DCTN4: variants seen among roughly 807,000 people sequenced by gnomAD.
The protein encoded by DCTN4 is dynactin subunit 4, also known as dynactin 4 (p62).
DCTN4 carries 23 observed loss-of-function variants against 62.7 expected under a neutral mutation model. The observed-to-expected ratio is 0.37, with a 90% CI of 0.26 to 0.52. DCTN4 has a LOEUF of 0.52. Among genes scored for constraint, DCTN4 ranks in the 20% least tolerant of loss-of-function variants. The probability of loss-of-function intolerance (pLI) is 0.92; values close to 1 mark genes in which losing one functional copy is unlikely to be tolerated. For synonymous variants in DCTN4, 199 were observed against 202.1 expected (o/e 0.98, Z 0.13); for missense variants, 514 against 580.4 (o/e 0.89, Z 1.18).
chr5:150,749,508 G>A (rs1164344290), intron 3 of DCTN4, among the ~76,000 whole-genome samples: 1 of 152,122 alleles, frequency 6.6e-6, no homozygotes, highest in Non-Finnish European at 1.5e-5. Context: ...AAATTGTTCA[G>A]TCACTTTGGA....
intron 3 of DCTN4, among the ~76,000 whole-genome samples, chr5:150,743,363 C>T (rs922820826): frequency 1.3e-5 from 2 of 152,206 alleles, no homozygotes; most frequent in African/African-American, 4.8e-5. Flanking sequence ...CTCCACCTCT[C>T]GGGGCAGGGC....
At chr5:150,756,390 G>GAA in intron 2 of DCTN4, 27 bp downstream of exon 2, 10 of 1,407,372 alleles carry the variant, frequency 7.1e-6, no homozygotes, top group Admixed American at 2.3e-5. Context: ...AAAATAGGAA[G>GAA]AAAAAAAAAA....
Position 150,733,367 on chromosome 5 carries a change from C to T in DCTN4, c.537+1G>A. 6.2e-7 allele frequency: 1 copy of T among 1,608,398 alleles called. No individual in the cohort carries two copies. The highest frequency in any genetic ancestry group is 8.5e-7 in the Non-Finnish European group (1 of 1,177,014). On this transcript the variant is annotated splice_donor_variant, in intron 5 of 12. Transcript: ENST00000447998. LOFTEE classifies it high-confidence loss of function. Reference sequence around the variant, plus strand: ...AAATCATTTTAGTACCAAATTCTCACCGAAAAAGCCAGAGGCATATAGTTT... The same window carrying T: ...AAATCATTTTAGTACCAAATTCTCATCGAAAAAGCCAGAGGCATATAGTTT...
chr5:150,741,776 C>A (rs186983993), intron 4 of DCTN4, among the ~76,000 whole-genome samples: 12 of 152,366 alleles, frequency 7.9e-5, no homozygotes, highest in African/African-American at 2.6e-4. Context: ...GCCACCACAC[C>A]TGGCTGTTTA....
intron 11 of DCTN4, among the ~76,000 whole-genome samples, chr5:150,716,320 C>G (rs1287073892): frequency 6.6e-6 from 1 of 152,114 alleles, no homozygotes; most frequent in African/African-American, 2.4e-5. Flanking sequence ...AGGAGAAACA[C>G]TGGTTCCAAC....
At chr5:150,718,239 A>C (rs756134075) in intron 11 of DCTN4, 37 bp downstream of exon 11, 30 of 1,421,506 alleles carry the variant, frequency 2.1e-5, no homozygotes, top group Non-Finnish European at 2.9e-5. Flanking sequence ...CTCCAGGGAA[A>C]GTGCGGGTCA....
At chr5:150,736,815 A>G (rs1475616012) in intron 4 of DCTN4, among the ~76,000 whole-genome samples, 1 of 152,238 alleles carries the variant, frequency 6.6e-6, no homozygotes, top group Non-Finnish European at 1.5e-5. Flanking sequence ...TAAAAAATAC[A>G]GAATTACAGA....
intron 8 of DCTN4, 35 bp downstream of exon 8, chr5:150,730,596 G>C (rs760400850): frequency 3.5e-5 from 56 of 1,579,938 alleles, no homozygotes; most frequent in Non-Finnish European, 4.8e-5. Flanking sequence ...CTTTCCTCTT[G>C]TACAAATGGT....
chr5:150,737,742 T>C (rs922779089), intron 4 of DCTN4, among the ~76,000 whole-genome samples: 2 of 151,876 alleles, frequency 1.3e-5, no homozygotes, highest in East Asian at 3.9e-4. Flanking sequence ...AACCCAAACC[T>C]AGCAGAAGAA....
chr5:150,711,893 CTTTT>C (rs1248403607), intron 12 of DCTN4, among the ~76,000 whole-genome samples: 2 of 151,906 alleles, frequency 1.3e-5, no homozygotes, highest in Non-Finnish European at 2.9e-5. Flanking sequence ...CCATAACTTG[CTTTT>C]TTTTAACTCT....
intron 12 of DCTN4, among the ~76,000 whole-genome samples, chr5:150,714,123 A>T (rs574361185): frequency 6.6e-6 from 1 of 152,224 alleles, no homozygotes; most frequent in East Asian, 1.9e-4. Context: ...CTAAAAACAA[A>T]ACAAAGACTG....
At chr5:150,734,027 T>TAA (rs1760483717) in intron 4 of DCTN4, 1 of 151,748 alleles carries the variant, frequency 6.6e-6, no homozygotes, top group African/African-American at 2.4e-5. Flanking sequence ...CTTGTCTCTA[T>TAA]AAAAAAATGC....
chr5:150,747,234 G>T (rs2113125676), intron 3 of DCTN4, among the ~76,000 whole-genome samples: 1 of 152,316 alleles, frequency 6.6e-6, no homozygotes, highest in South Asian at 2.1e-4. Context: ...ACTTACAAGG[G>T]ACGTGAAGGA....
intron 3 of DCTN4, 141 bp downstream of exon 3, chr5:150,753,338 T>TA: frequency 1.5e-6 from 1 of 661,868 alleles, no homozygotes; most frequent in Non-Finnish European, 2.5e-6. Flanking sequence ...AATGTGAACA[T>TA]ATGGGAACAC....
chr5:150,744,124 C>T (rs375294845), intron 3 of DCTN4, among the ~76,000 whole-genome samples: 1 of 152,044 alleles, frequency 6.6e-6, no homozygotes, highest in East Asian at 1.9e-4. Context: ...AGCCAAGGCT[C>T]GAGAACTACA....
intron 8 of DCTN4, 96 bp from the exon 9 acceptor site, chr5:150,723,076 A>ATTTTG (rs372331726): frequency 2.2e-6 from 2 of 924,784 alleles, no homozygotes; most frequent in East Asian, 5.4e-5. Context: ...ATTTACGAGA[A>ATTTTG]TTTTGTTTTG....
chr5:150,720,259 T>G (rs1038147062), intron 9 of DCTN4, among the ~76,000 whole-genome samples: 1 of 152,190 alleles, frequency 6.6e-6, no homozygotes, highest in Non-Finnish European at 1.5e-5. Context: ...GGGGAAAAAG[T>G]ACATCTTAGA....
chr5:150,720,053 C>A (rs1759903794), intron 9 of DCTN4, among the ~76,000 whole-genome samples: 1 of 152,110 alleles, frequency 6.6e-6, no homozygotes, highest in Non-Finnish European at 1.5e-5. Flanking sequence ...ATGACTAAGG[C>A]AAGATATTTA....
intron 3 of DCTN4, among the ~76,000 whole-genome samples, chr5:150,752,181 C>T (rs1355144378): frequency 6.6e-6 from 1 of 151,878 alleles, no homozygotes; most frequent in Non-Finnish European, 1.5e-5. Context: ...TTTTTTTAAA[C>T]TTTGGATCAC....
Sources: allele counts gnomAD v4.1 joint callset (sites outside exome capture counted in the v4.1 genomes callset), GRCh38; gene constraint gnomAD v4.1.1; transcripts MANE v1.5; gene names NCBI Gene and HGNC (gene_info 2026-07-23, HGNC 2026-07-21).